The following MEAK7 variants were observed in gnomAD, a reference collection of about 807,000 sequenced individuals.
The protein encoded by MEAK7 is MTOR associated protein MEAK7, also known as MTOR-associated protein MEAK7.
MEAK7 carries 68 observed loss-of-function variants against 40.5 expected under a neutral mutation model. The observed-to-expected ratio is 1.68, with a 90% confidence interval of 1.38 to 2.06. The LOEUF (loss-of-function observed/expected upper bound fraction) is 2.06, where lower values mean the gene tolerates loss of function less well. Among genes scored for constraint, MEAK7 ranks in the 30% most tolerant of loss-of-function variants. MEAK7 has a pLI of 0.00. For synonymous variants in MEAK7, 338 were observed against 231.9 expected (o/e 1.46, Z -4.16); for missense variants, 918 against 580.5 (o/e 1.58, Z -5.98).
At chr16:84,489,480 C>G (rs1913385919) in intron 3 of MEAK7, 58 bp from the exon 4 acceptor site, 2 of 1,520,140 alleles carry the variant, frequency 1.3e-6, no homozygotes, top group Non-Finnish European at 8.8e-7. Context: ...AGACCTATGT[C>G]ATGCCCACAT....
chr16:84,482,107 C>T (rs1001261596), intron 6 of MEAK7, among the ~76,000 whole-genome samples: 2 of 152,120 alleles, frequency 1.3e-5, no homozygotes, highest in African/African-American at 4.8e-5. Flanking sequence ...GCCTCCCCCG[C>T]TTCCCCCTGC....
chr16:84,493,057 T>C (rs568220439), intron 3 of MEAK7, among the ~76,000 whole-genome samples: 2 of 152,342 alleles, frequency 1.3e-5, no homozygotes, highest in African/African-American at 4.8e-5. Flanking sequence ...AAATATGAAA[T>C]GGTGTTTAAC....
intron 6 of MEAK7, 58 bp from the exon 7 acceptor site, chr16:84,480,766 T>A: frequency 1.3e-6 from 2 of 1,521,346 alleles, no homozygotes; most frequent in Non-Finnish European, 1.8e-6. Flanking sequence ...TCTGTGGACA[T>A]CAAATACCAC....
In MEAK7 at chr16:84,487,010, T is replaced by C. The variant is rs758500975; in HGVS notation, c.579A>G (p.Arg193=). 3 of 1,613,986 alleles carry C rather than the reference T, an allele frequency of 1.9e-6. No homozygotes were observed. Among genetic ancestry groups the C allele is most frequent in the Non-Finnish European group, 2.5e-6 (3 of 1,179,960 alleles). The part of the protein sequence containing the change: ...GPQWLDYDCD[R]AVIEDWVFRV... ...TGAACACCCAGTCCTCGATCACAGC[T>C]CGGTCACAGTCATAGTCCAGCCACT... The change falls in exon 5 of 8, where the codon CGA becomes CGG. Residue 193 remains arginine, a synonymous_variant. Coordinates refer to ENST00000343629, the MANE Select transcript of MEAK7 (RefSeq NM_020947.4).
chr16:84,501,153 G>T (rs866574574), intron 1 of MEAK7, among the ~76,000 whole-genome samples: 3 of 151,708 alleles, frequency 2.0e-5, no homozygotes, highest in Non-Finnish European at 4.4e-5. Flanking sequence ...AGGGCATGGG[G>T]ATGGGTGTGG....
In MEAK7 at chr16:84,479,754, C is replaced by A; in HGVS notation, c.*159G>T. Reference sequence around the variant, plus strand: ...GATCCACCCATGAGTCAGGACATGGCTTCAGAGGGCGTCTTCTTGGCACAT... The same window carrying A: ...GATCCACCCATGAGTCAGGACATGGATTCAGAGGGCGTCTTCTTGGCACAT... On this transcript the variant is annotated 3_prime_UTR_variant, in exon 8 of 8. Transcript: ENST00000343629. The A allele has an allele frequency of 2.2e-6, 1 of 455,350 alleles. No homozygotes were observed. The highest frequency in any genetic ancestry group is 2.0e-5 in the African/African-American group (1 of 49,838). 28.2% of individuals were successfully genotyped at this position (455,350 alleles called of 1,614,324 possible).
intron 5 of MEAK7, among the ~76,000 whole-genome samples, chr16:84,483,577 G>T (rs569083810): frequency 6.6e-6 from 1 of 152,224 alleles, no homozygotes; most frequent in Non-Finnish European, 1.5e-5. Context: ...ATGATGGAAC[G>T]CAGATAAGAA....
At chr16:84,499,679 C>A (rs1914340541) in intron 1 of MEAK7, among the ~76,000 whole-genome samples, 1 of 152,208 alleles carries the variant, frequency 6.6e-6, no homozygotes, top group Admixed American at 6.5e-5. Flanking sequence ...CTCCCACATG[C>A]CCTGGCCATC....
rs1481140600 is a variant in MEAK7, at chr16:84,480,669, C to G, written c.1117G>C (p.Asp373His). 1 of 1,613,914 alleles carries G rather than the reference C, an allele frequency of 6.2e-7. No individual in the cohort carries two copies. The highest frequency in any genetic ancestry group is 8.5e-7 in the Non-Finnish European group (1 of 1,179,886). ...CTGTGTCCTTTCCCAAAATCAACAT[C>G]CACCCAAAGCCCAAAGTAATTGTGC... ...GQHNYFGLWV[D>H]VDFGKGHSRA... is the part of the protein sequence containing the mutation. The change falls in exon 7 of 8, where the codon GAT becomes CAT. Residue 373 changes from aspartate to histidine, a missense_variant. Coordinates refer to ENST00000343629, the MANE Select transcript of MEAK7 (RefSeq NM_020947.4).
rs1864266 is a variant in MEAK7 at position 84,489,425 on chromosome 16, G to C, written c.385-3C>G. ...GAGCCAACCAGATCCTCTGTAAACT[G>C]TAAGATCACAATTTTACCATTAAAA... On this transcript the variant is annotated splice_region_variant and splice_polypyrimidine_tract_variant and intron_variant, in intron 3 of 7. Coordinates refer to ENST00000343629, the MANE Select transcript of MEAK7 (RefSeq NM_020947.4). 1.5e-4 allele frequency: 233 copies of C among 1,604,482 alleles called. 1 individual carries two copies. The highest frequency in any genetic ancestry group is 9.9e-4 in the South Asian group (89 of 90,094).
chr16:84,491,612 G>A (rs55985451), intron 3 of MEAK7, among the ~76,000 whole-genome samples: 52,389 of 150,414 alleles, frequency 0.35, 10,921 homozygotes, highest in Middle Eastern at 0.5. Context: ...GCCGAGGCAG[G>A]TGGATCACGA....
intron 2 of MEAK7, chr16:84,497,616 T>C (rs1349357832): frequency 1.5e-6 from 2 of 1,348,182 alleles, no homozygotes; most frequent in Admixed American, 4.4e-5. Context: ...AAATGTCGTG[T>C]GAATCATTCA....
At chr16:84,495,625 C>T in intron 3 of MEAK7, 58 bp downstream of exon 3, 1 of 1,550,742 alleles carries the variant, frequency 6.4e-7, no homozygotes, top group Non-Finnish European at 8.9e-7. Flanking sequence ...CTCCATCCCC[C>T]CACCGATGGT....
intron 3 of MEAK7, among the ~76,000 whole-genome samples, chr16:84,490,215 C>T (rs1385593026): frequency 1.3e-5 from 2 of 151,154 alleles, no homozygotes; most frequent in Non-Finnish European, 2.9e-5. Context: ...TGGTCAAATC[C>T]GAGGGAACGT....
chr16:84,496,277 C>A (rs1310177942), intron 2 of MEAK7, among the ~76,000 whole-genome samples: 1 of 152,192 alleles, frequency 6.6e-6, no homozygotes, highest in Non-Finnish European at 1.5e-5. Flanking sequence ...CCAGCTTTTT[C>A]ATGGGCTACG....
At chr16:84,482,209 G>A (rs978844638) in intron 6 of MEAK7, among the ~76,000 whole-genome samples, 45 of 152,166 alleles carry the variant, frequency 3.0e-4, no homozygotes, top group African/African-American at 9.7e-4. Context: ...ATGAGCTGCC[G>A]GCCGTCCATT....
chr16:84,504,467 G>A (rs1914736145), intron 1 of MEAK7, 134 bp downstream of exon 1: 2 of 452,984 alleles, frequency 4.4e-6, no homozygotes, highest in Non-Finnish European at 5.8e-6. Context: ...CCGACCCGAG[G>A]GCCTGAAGAG....
At chr16:84,481,715 C>T (rs552639898) in intron 6 of MEAK7, among the ~76,000 whole-genome samples, 2 of 152,214 alleles carry the variant, frequency 1.3e-5, no homozygotes, top group Non-Finnish European at 2.9e-5. Context: ...GGGTGGATCA[C>T]GAGGTCAGGA....
rs781200364 is a variant in MEAK7, at chr16:84,480,616, G to A, written c.1170C>T (p.Tyr390=). 4 of 1,614,066 alleles carry A rather than the reference G, an allele frequency of 2.5e-6. No individual in the cohort carries two copies. In the South Asian group the frequency reaches 3.3e-5, roughly 13 times the overall value. ...HSRAKPTCTT[Y]NSPQLSAQEN... ...CCTGAGCCGACAGCTGCGGGCTGTTGTACGTGGTGCACGTGGGCTTGGCTC... is the reference window on the plus strand; with the variant it reads ...CCTGAGCCGACAGCTGCGGGCTGTTATACGTGGTGCACGTGGGCTTGGCTC... Residue 390 remains tyrosine, a synonymous_variant, in exon 7 of 8, where the codon TAC becomes TAT. Coordinates refer to ENST00000343629, the MANE Select transcript of MEAK7 (RefSeq NM_020947.4).
Sources: allele counts gnomAD v4.1 joint callset (sites outside exome capture counted in the v4.1 genomes callset), GRCh38; gene constraint gnomAD v4.1.1; transcripts MANE v1.5; gene names NCBI Gene and HGNC (gene_info 2026-07-23, HGNC 2026-07-21).